The following CYRIA variants were observed in gnomAD, a reference collection of about 807,000 sequenced individuals.
CYRIA encodes the protein CYFIP-related Rac1 interactor A.
In CYRIA, 15 loss-of-function variants were observed where a neutral mutation model predicts 43.9. That is an observed-to-expected ratio of 0.34 (90% CI 0.23 to 0.53). CYRIA has a LOEUF of 0.53. Among genes scored for constraint, CYRIA ranks in the 20% least tolerant of loss-of-function variants. The pLI is 0.94. For synonymous variants in CYRIA, 117 were observed against 136.0 expected (o/e 0.86, Z 0.97); for missense variants, 236 against 394.2 (o/e 0.60, Z 3.40).
chr2:16,582,298 T>A (rs923835963), intron 3 of CYRIA, among the ~76,000 whole-genome samples: 1 of 152,206 alleles, frequency 6.6e-6, no homozygotes, highest in Non-Finnish European at 1.5e-5. Context: ...AAGAAAAGAA[T>A]TGGATCTTCC....
At chr2:16,606,503 G>A (rs1668402498) in intron 2 of CYRIA, among the ~76,000 whole-genome samples, 1 of 151,336 alleles carries the variant, frequency 6.6e-6, no homozygotes, top group African/African-American at 2.4e-5. Flanking sequence ...AACTAATTCT[G>A]GGGAATTAAA....
intron 1 of CYRIA, among the ~76,000 whole-genome samples, chr2:16,646,265 T>C (rs931948616): frequency 7.9e-5 from 12 of 152,238 alleles, no homozygotes; most frequent in Non-Finnish European, 1.5e-4. Flanking sequence ...CACTACCCTG[T>C]GGCTACAAGC....
intron 3 of CYRIA, among the ~76,000 whole-genome samples, chr2:16,575,775 G>C (rs1371142596): frequency 6.6e-6 from 1 of 151,964 alleles, no homozygotes; most frequent in Non-Finnish European, 1.5e-5. Context: ...AGAATGGCGT[G>C]AACCCAGGAG....
At chr2:16,556,935 A>G (rs939232223) in intron 10 of CYRIA, among the ~76,000 whole-genome samples, 6 of 152,084 alleles carry the variant, frequency 3.9e-5, no homozygotes, top group Non-Finnish European at 8.8e-5. Flanking sequence ...CTGAGACGGG[A>G]ACCCAGGAGA....
rs556823417 is a variant in CYRIA at position 16,589,698 on chromosome 2, G to A, written c.-10-1569C>T. ...ACAGGAAGTGCTCAAGAAAAATTAC[G>A]TGCTTTTACTATTGATGATGATAGT... is the stretch of plus-strand genomic sequence containing the variant. On this transcript the variant is annotated intron_variant, in intron 2 of 11. Coordinates refer to ENST00000381323, the MANE Select transcript of CYRIA (RefSeq NM_030797.4). Among the ~76,000 whole-genome samples the A allele has an allele frequency of 1.2e-3, 175 of 152,032 alleles. 1 individual carries two copies. In the South Asian group the frequency reaches 0.035, roughly 30 times the overall value.
At chr2:16,641,540 T>C (rs926483537) in intron 1 of CYRIA, among the ~76,000 whole-genome samples, 2 of 152,240 alleles carry the variant, frequency 1.3e-5, no homozygotes, top group Non-Finnish European at 2.9e-5. Flanking sequence ...ATAATTTTAC[T>C]ATCCCTCAAT....
At chr2:16,578,026 G>A (rs1054487209) in intron 3 of CYRIA, among the ~76,000 whole-genome samples, 2 of 152,216 alleles carry the variant, frequency 1.3e-5, no homozygotes, top group Non-Finnish European at 2.9e-5. Flanking sequence ...CTGTCTGCCT[G>A]GTGAGGCCAA....
At chr2:16,592,551 G>A (rs1304683588) in intron 2 of CYRIA, among the ~76,000 whole-genome samples, 1 of 152,138 alleles carries the variant, frequency 6.6e-6, no homozygotes, top group African/African-American at 2.4e-5. Context: ...CTGGGCATCT[G>A]GGTCACTGGT....
At chr2:16,615,310 C>T (rs999542635) in intron 2 of CYRIA, among the ~76,000 whole-genome samples, 3 of 152,208 alleles carry the variant, frequency 2.0e-5, no homozygotes, top group Admixed American at 1.3e-4. Context: ...TTCTGCCTCC[C>T]CCAAGTAACC....
chr2:16,653,366 T>C lies in CYRIA; in HGVS notation c.-167+12414A>G, dbSNP rs148474588. Among the ~76,000 whole-genome samples, 39 of 152,300 alleles carry C rather than the reference T, an allele frequency of 2.6e-4. 1 individual carries two copies. Among genetic ancestry groups the C allele is most frequent in the Non-Finnish European group, 5.0e-4 (34 of 68,034 alleles). On this transcript the variant is annotated intron_variant, in intron 1 of 11. Transcript: ENST00000381323. The stretch of plus-strand genomic sequence containing the variant: ...TCAGACTGGAACAGTTTCCCCCAAT[T>C]ATCCACAATGATTATTTTACGTCCT...
At chr2:16,606,852 G>T (rs898867511) in intron 2 of CYRIA, among the ~76,000 whole-genome samples, 1 of 152,074 alleles carries the variant, frequency 6.6e-6, no homozygotes, top group African/African-American at 2.4e-5. Context: ...GGTACCAAAG[G>T]AGGCTTTGGA....
intron 3 of CYRIA, among the ~76,000 whole-genome samples, chr2:16,570,976 G>A (rs776786268): frequency 6.6e-6 from 1 of 152,140 alleles, no homozygotes; most frequent in Non-Finnish European, 1.5e-5. Context: ...AAATCTCTGT[G>A]ATTTACATGG....
rs111853448 is a variant in CYRIA at position 16,587,916 on chromosome 2, G to C, written c.70+134C>G. 3.4e-3 allele frequency: 1,862 copies of C among 550,290 alleles called. 13 individuals carry two copies. The highest frequency in any genetic ancestry group is 0.013 in the South Asian group (431 of 33,512). 34.1% of individuals were successfully genotyped at this position (550,290 alleles called of 1,614,324 possible). On this transcript the variant is annotated intron_variant, in intron 3 of 11. Transcript: ENST00000381323. ...AGTCTCATGTATGTCTTTATTAGCA[G>C]CATGAGAACAGACTAATACAGTGAC...
intron 3 of CYRIA, among the ~76,000 whole-genome samples, chr2:16,567,406 A>C (rs1035057561): frequency 4.6e-5 from 7 of 152,092 alleles, no homozygotes; most frequent in Non-Finnish European, 7.4e-5. Context: ...CCATCTCAAA[A>C]AACAACAACA....
At chr2:16,607,904 C>CT (rs946788984) in intron 2 of CYRIA, among the ~76,000 whole-genome samples, 26 of 152,288 alleles carry the variant, frequency 1.7e-4, no homozygotes, top group African/African-American at 5.8e-4. Flanking sequence ...GTCCTTGCCT[C>CT]TGTTTTCTTG....
intron 3 of CYRIA, among the ~76,000 whole-genome samples, chr2:16,586,294 G>T (rs78429024): frequency 1.9e-3 from 286 of 152,152 alleles, no homozygotes; most frequent in African/African-American, 6.6e-3. Flanking sequence ...AATTAAACAT[G>T]TAAATAGTAA....
chr2:16,553,610 G>A (rs62122693), intron 11 of CYRIA, among the ~76,000 whole-genome samples: 28,028 of 152,092 alleles, frequency 0.18, 3,023 homozygotes, highest in Admixed American at 0.26. Flanking sequence ...TAAAGGTGAG[G>A]TCATTGCCTT....
chr2:16,627,045 G>C (rs1451229643), intron 1 of CYRIA, among the ~76,000 whole-genome samples: 2 of 152,146 alleles, frequency 1.3e-5, no homozygotes, highest in African/African-American at 2.4e-5. Flanking sequence ...ACAGAACTAG[G>C]GCCCGAAATA....
At chr2:16,641,215 T>C (rs1669666589) in intron 1 of CYRIA, among the ~76,000 whole-genome samples, 1 of 152,128 alleles carries the variant, frequency 6.6e-6, no homozygotes, top group South Asian at 2.1e-4. Flanking sequence ...TAATGATTCC[T>C]CCACTGACTA....
Sources: allele counts gnomAD v4.1 joint callset (sites outside exome capture counted in the v4.1 genomes callset), GRCh38; gene constraint gnomAD v4.1.1; transcripts MANE v1.5; gene names NCBI Gene and HGNC (gene_info 2026-07-23, HGNC 2026-07-21).